Variants in MICAL2 observed in about 807,000 individuals in gnomAD.
MICAL2 encodes the protein microtubule associated monooxygenase, calponin and LIM domain containing 2, also known as [F-actin]-monooxygenase MICAL2.
A neutral mutation model predicts 127.3 loss-of-function variants in MICAL2; 77 were observed. The observed-to-expected ratio is 0.60, with a 90% CI of 0.50 to 0.73. MICAL2 has a LOEUF of 0.73. Ranked by LOEUF, MICAL2 falls within the 30% of genes least tolerant of loss-of-function variation. The pLI is 0.00. For synonymous variants in MICAL2, 570 were observed against 551.1 expected (o/e 1.03, Z -0.48); for missense variants, 1,351 against 1,434.4 (o/e 0.94, Z 0.94).
rs984037951 is a variant in MICAL2, at chr11:12,151,650, C to T, written c.-77-10429C>T. Among the ~76,000 whole-genome samples the T allele has an allele frequency of 3.3e-5, 5 of 152,230 alleles. No individual in the cohort carries two copies. The South Asian group carries it at 6.2e-4, about 19-fold the overall frequency. On this transcript the variant is annotated intron_variant, in intron 2 of 27. Transcript: ENST00000683283. The stretch of plus-strand genomic sequence containing the variant: ...CTTCCTTCTTGTGGCTCACCAACTT[C>T]AACACACAGTTTCCAAGGTCTTTGT...
intron 29 of MICAL2, among the ~76,000 whole-genome samples, chr11:12,298,506 C>A (rs192726696): frequency 7.5e-4 from 114 of 152,134 alleles, no homozygotes; most frequent in African/African-American, 2.7e-3. Context: ...TCTTTTGTTT[C>A]TAGAATCTCC....
In MICAL2 at chr11:12,258,587, G is replaced by A. The variant is rs552621895; in HGVS notation, c.3231+31G>A. On this transcript the variant is annotated intron_variant, in intron 25 of 27. Transcript: ENST00000683283. ...TTTGTCTCAAACATGCTGGTGAAAC[G>A]GGGAAGGCCCCTTGATAAGGGTTTC... 65 of 1,591,704 alleles carry A rather than the reference G, an allele frequency of 4.1e-5. 1 individual carries two copies. The highest frequency in any genetic ancestry group is 6.7e-5 in the African/African-American group (5 of 74,624).
rs1849668902 is a variant in MICAL2 at position 12,112,276 on chromosome 11, GGGGAT to G, written c.-149+1552_-149+1556del. ...AAAGATGCTCTCCACCAGGATTTCA[GGGGAT>G]GCTTCTTTGGCAAAACAGTTGAAGT... On this transcript the variant is annotated intron_variant, in intron 1 of 27. Transcript: ENST00000683283. Among the ~76,000 whole-genome samples, 5 of 152,296 alleles carry G rather than the reference GGGGAT, an allele frequency of 3.3e-5. No homozygotes were observed. The South Asian group carries it at 1.0e-3, about 32-fold the overall frequency.
intron 4 of MICAL2, among the ~76,000 whole-genome samples, chr11:12,207,568 C>T (rs1478053571): frequency 6.6e-6 from 1 of 152,210 alleles, no homozygotes; most frequent in Non-Finnish European, 1.5e-5. Context: ...AGAGCTGAGG[C>T]GTAGGCCCCA....
chr11:12,199,804 C>T (rs746992762), intron 3 of MICAL2, among the ~76,000 whole-genome samples: 2 of 152,166 alleles, frequency 1.3e-5, no homozygotes, highest in Non-Finnish European at 2.9e-5. Context: ...TCTGTGCTAA[C>T]GTGGAGGCCT....
chr11:12,227,381 G>A (rs1857614905), intron 15 of MICAL2, among the ~76,000 whole-genome samples: 1 of 152,208 alleles, frequency 6.6e-6, no homozygotes, highest in South Asian at 2.1e-4. Flanking sequence ...AGAACATATT[G>A]GTGAATGCTT....
chr11:12,354,769 C>T (rs1168364544), intron 33 of MICAL2: 1 of 1,612,218 alleles, frequency 6.2e-7, no homozygotes, highest in Non-Finnish European at 8.5e-7. Context: ...AAAATTTGAA[C>T]ATTTTCTCAC....
chr11:12,201,101 TAA>T (rs1330005258), intron 3 of MICAL2, among the ~76,000 whole-genome samples: 3 of 152,036 alleles, frequency 2.0e-5, no homozygotes, highest in Admixed American at 6.5e-5. Flanking sequence ...TGGAGTGAGA[TAA>T]AGAGCAGTGC....
intron 30 of MICAL2, chr11:12,319,827 C>G (rs1864272842): frequency 6.3e-7 from 1 of 1,598,492 alleles, no homozygotes; most frequent in African/African-American, 1.3e-5. Flanking sequence ...AACACTTGAC[C>G]AGCCAAAGAG....
chr11:12,167,059 TCAAA>T (rs1457376787), intron 3 of MICAL2, among the ~76,000 whole-genome samples: 8 of 152,036 alleles, frequency 5.3e-5, no homozygotes, highest in Non-Finnish European at 1.2e-4. Flanking sequence ...GGTCTCGTAC[TCAAA>T]CAGAGGACCT....
intron 31 of MICAL2, chr11:12,324,219 C>G: frequency 1.0e-6 from 1 of 968,782 alleles, no homozygotes; most frequent in Middle Eastern, 3.3e-4. Flanking sequence ...AGATTTGTGG[C>G]CGTTTTAAAG....
chr11:12,190,983 G>A (rs764820854), intron 3 of MICAL2, among the ~76,000 whole-genome samples: 38 of 152,208 alleles, frequency 2.5e-4, no homozygotes, highest in Admixed American at 4.6e-4. Flanking sequence ...TGTGCATCCT[G>A]ATTTGGGGTA....
chr11:12,128,470 A>G (rs1221376534), intron 1 of MICAL2, among the ~76,000 whole-genome samples: 1 of 152,264 alleles, frequency 6.6e-6, no homozygotes, highest in Non-Finnish European at 1.5e-5. Context: ...GCTGGGATTA[A>G]TCCATGAGTG....
intron 30 of MICAL2, among the ~76,000 whole-genome samples, chr11:12,323,232 G>A (rs1314313974): frequency 1.3e-5 from 2 of 151,986 alleles, no homozygotes; most frequent in Admixed American, 6.6e-5. Context: ...TTTTTAACAA[G>A]CACAGGTACA....
At chr11:12,292,325 G>A, downstream of MICAL2, 2 of 1,612,824 alleles carry the variant, frequency 1.2e-6, no homozygotes, top group Non-Finnish European at 1.7e-6. Flanking sequence ...TCCTGCCCAG[G>A]TGTCAGGAAG....
Position 12,220,227 on chromosome 11 carries a change from G to A in MICAL2, c.975G>A (p.Leu325=), listed in dbSNP as rs1413208751. Residue 325 remains leucine (L), a synonymous_variant, in exon 9 of 28, where the codon CTG becomes CTA. Coordinates refer to ENST00000683283, the MANE Select transcript of MICAL2 (RefSeq NM_001282663.2). ...INDYIDTEML[L]CAENVNQDNL... ...ACTACATCGACACAGAGATGCTGCTGTGTGCGGAGAACGTGAACCAAGACA... is the reference window on the plus strand; with the variant it reads ...ACTACATCGACACAGAGATGCTGCTATGTGCGGAGAACGTGAACCAAGACA... The A allele has an allele frequency of 1.9e-6, 3 of 1,614,192 alleles. No individual in the cohort carries two copies. Among genetic ancestry groups the A allele is most frequent in the East Asian group, 2.2e-5 (1 of 44,870 alleles).
At chr11:12,256,324 T>C (rs968867205) in intron 23 of MICAL2, 14 of 159,948 alleles carry the variant, frequency 8.8e-5, no homozygotes, top group African/African-American at 3.1e-4. Context: ...CAAGCTTTCC[T>C]CACCCAACCT....
chr11:12,224,503 A>T, intron 12 of MICAL2, 170 bp from the exon 13 acceptor site: 1 of 730,642 alleles, frequency 1.4e-6, no homozygotes, highest in Non-Finnish European at 2.2e-6. Flanking sequence ...CAGGCCCCCA[A>T]GCAGCAGTCC....
At chr11:12,216,760 C>T (rs1215263179) in intron 8 of MICAL2, among the ~76,000 whole-genome samples, 3 of 152,292 alleles carry the variant, frequency 2.0e-5, no homozygotes, top group East Asian at 3.9e-4. Flanking sequence ...CAAAAAGACT[C>T]GATCTGCATC....
Sources: allele counts gnomAD v4.1 joint callset (sites outside exome capture counted in the v4.1 genomes callset), GRCh38; gene constraint gnomAD v4.1.1; transcripts MANE v1.5; gene names NCBI Gene and HGNC (gene_info 2026-07-23, HGNC 2026-07-21).